Variants in CEP85 observed in about 807,000 individuals in gnomAD.
The protein encoded by CEP85 is centrosomal protein of 85 kDa.
Under a neutral mutation model 93.7 loss-of-function variants are expected in CEP85, and 58 were observed. That is an observed-to-expected ratio of 0.62 (90% CI 0.50 to 0.77). The LOEUF is 0.77. Among genes scored for constraint, CEP85 ranks in the 30% least tolerant of loss-of-function variants. The pLI is 0.00. For missense variants in CEP85, 868 were observed against 922.0 expected (o/e 0.94, Z 0.76); for synonymous variants, 314 against 338.6 (o/e 0.93, Z 0.80).
chr1:26,255,712 G>C lies in CEP85; in HGVS notation c.750G>C (p.Leu250Phe). The C allele has an allele frequency of 1.2e-6, 2 of 1,614,102 alleles. No homozygotes were observed. Among genetic ancestry groups the C allele is most frequent in the Non-Finnish European group, 1.7e-6 (2 of 1,180,006 alleles). ...CTAATAGCAGTGGGGTCCTCCCTTT[G>C]GGACTCCAGCCTGCTCCCGGGCTCT... ...PHSNSSGVLP[L>F]GLQPAPGLSK... The change falls in exon 4 of 14, where the codon TTG becomes TTC. Residue 250 changes from leucine to phenylalanine, a missense_variant. Leu to Phe is a conservative substitution (Grantham distance 22). Coordinates refer to ENST00000451429, the MANE Select transcript of CEP85 (RefSeq NM_001319944.2).
chr1:26,253,841 AG>A (rs935113037), intron 3 of CEP85, among the ~76,000 whole-genome samples: 2 of 151,868 alleles, frequency 1.3e-5, no homozygotes, highest in African/African-American at 4.8e-5. Context: ...CATGAGTTCG[AG>A]ACCAGTCTGG....
chr1:26,241,403 C>T, intron 2 of CEP85, among the ~76,000 whole-genome samples: 1 of 151,902 alleles, frequency 6.6e-6, no homozygotes, highest in Admixed American at 6.6e-5. Context: ...CCACCATGCC[C>T]AGCTAATTTT....
intron 6 of CEP85, among the ~76,000 whole-genome samples, chr1:26,258,561 A>G (rs2089756592): frequency 6.7e-6 from 1 of 149,470 alleles, no homozygotes; most frequent in Non-Finnish European, 1.5e-5. Flanking sequence ...AGCCCTAGCC[A>G]AAGGAGAGAG....
At position 26,277,616 on chromosome 1, in the gene CEP85, C is replaced by G. The variant is rs1295356486; in HGVS notation, c.*323C>G. The G allele has an allele frequency of 4.5e-6, 1 of 222,420 alleles. No individual in the cohort carries two copies. 13.8% of individuals were successfully genotyped at this position (222,420 alleles called of 1,614,324 possible). A position where few individuals can be genotyped will look rare whatever the true frequency, so the allele number is the denominator to read the frequency against. ...CAGGCTGTCCACCTTTCTTCTCCATCCAATGGGATGGATCCATGTTCATTC... is the reference window on the plus strand; with the variant it reads ...CAGGCTGTCCACCTTTCTTCTCCATGCAATGGGATGGATCCATGTTCATTC... On this transcript the variant is annotated 3_prime_UTR_variant, in exon 14 of 14. Transcript: ENST00000451429.
chr1:26,244,620 A>T (rs1161503479), intron 3 of CEP85, among the ~76,000 whole-genome samples: 1 of 151,952 alleles, frequency 6.6e-6, no homozygotes, highest in Non-Finnish European at 1.5e-5. Context: ...TCCCATGCTG[A>T]GGTAATCCTC....
At chr1:26,271,539 A>G (rs1041133613) in intron 10 of CEP85, 1 of 170,656 alleles carries the variant, frequency 5.9e-6, no homozygotes. Flanking sequence ...AGTAAAAAAA[A>G]AAGAAGACCC....
chr1:26,240,710 C>T (rs1189430383), intron 2 of CEP85, among the ~76,000 whole-genome samples: 1 of 152,138 alleles, frequency 6.6e-6, no homozygotes, highest in African/African-American at 2.4e-5. Flanking sequence ...GCCTGGCCAA[C>T]ATGGTAAAAC....
intron 7 of CEP85, among the ~76,000 whole-genome samples, chr1:26,262,140 T>C (rs1455320726): frequency 6.6e-6 from 1 of 152,132 alleles, no homozygotes; most frequent in Non-Finnish European, 1.5e-5. Context: ...ACCCCATCTC[T>C]ACTAAAAATA....
chr1:26,276,291 A>T (rs2090051552), intron 12 of CEP85, among the ~76,000 whole-genome samples: 1 of 152,186 alleles, frequency 6.6e-6, no homozygotes, highest in Admixed American at 6.5e-5. Context: ...GATGATTCAG[A>T]ACCAGTTGAG....
chr1:26,246,357 GATGA>G (rs755181948), intron 3 of CEP85, among the ~76,000 whole-genome samples: 2 of 152,092 alleles, frequency 1.3e-5, no homozygotes, highest in Non-Finnish European at 1.5e-5. Flanking sequence ...ACCCACAACT[GATGA>G]ATGAATGAAT....
chr1:26,268,899 C>G (rs769237206), intron 8 of CEP85, among the ~76,000 whole-genome samples: 1 of 152,168 alleles, frequency 6.6e-6, no homozygotes, highest in Admixed American at 6.5e-5. Context: ...CTTTGATTCA[C>G]TATTTTAAAG....
chr1:26,276,037 C>A lies in CEP85; in HGVS notation c.1903-498C>A, dbSNP rs115222744. 6.4e-3 allele frequency among the ~76,000 whole-genome samples: 971 copies of A among 152,260 alleles called. 11 individuals are homozygous for A. Among genetic ancestry groups the A allele is most frequent in the African/African-American group, 0.021 (857 of 41,532 alleles). Reference sequence around the variant, plus strand: ...TCTCCAGCCCCCCACCTAGTGGCTACTAGCTGTCATATTGTCTTTCTTACT... The same window carrying A: ...TCTCCAGCCCCCCACCTAGTGGCTAATAGCTGTCATATTGTCTTTCTTACT... On this transcript the variant is annotated intron_variant, in intron 12 of 13. Coordinates refer to ENST00000451429, the MANE Select transcript of CEP85 (RefSeq NM_001319944.2).
At chr1:26,262,787 G>C (rs1182181408) in intron 7 of CEP85, among the ~76,000 whole-genome samples, 2 of 152,152 alleles carry the variant, frequency 1.3e-5, no homozygotes, top group African/African-American at 4.8e-5. Flanking sequence ...TTCTATATAA[G>C]GCTAAAATCT....
chr1:26,237,747 T>C (rs1225208864), intron 1 of CEP85, among the ~76,000 whole-genome samples: 1 of 152,198 alleles, frequency 6.6e-6, no homozygotes, highest in African/African-American at 2.4e-5. Context: ...CTCGGAGTTC[T>C]CCTTCTGTCA....
rs138254771 is a variant in CEP85 at position 26,259,483 on chromosome 1, C to G, written c.1156-134C>G. 7.3e-4 allele frequency: 578 copies of G among 796,668 alleles called. 1 individual carries two copies. Among genetic ancestry groups the G allele is most frequent in the Non-Finnish European group, 1.1e-3 (523 of 495,286 alleles). The allele number at this position is 796,668 out of a possible 1,614,324, so 49.3% of individuals were successfully genotyped here. ...AATGCTGATGCTGTTAACCCTAAGACCTAGTTGAGAACCACTTCTTAAAGA... is the reference window on the plus strand; with the variant it reads ...AATGCTGATGCTGTTAACCCTAAGAGCTAGTTGAGAACCACTTCTTAAAGA... On this transcript the variant is annotated intron_variant, in intron 6 of 13. Transcript: ENST00000451429.
chr1:26,247,717 T>C (rs1318141903), intron 3 of CEP85, among the ~76,000 whole-genome samples: 1 of 152,202 alleles, frequency 6.6e-6, no homozygotes, highest in Non-Finnish European at 1.5e-5. Flanking sequence ...CACAAGCTCA[T>C]TGCAGCCTTG....
At chr1:26,273,378 A>C (rs1570047475) in intron 11 of CEP85, among the ~76,000 whole-genome samples, 1 of 152,148 alleles carries the variant, frequency 6.6e-6, no homozygotes, top group African/African-American at 2.4e-5. Flanking sequence ...CATTATGTGG[A>C]TTGGGCTACG....
In CEP85 at chr1:26,239,823, C is replaced by CA. The variant is rs2089393483; in HGVS notation, c.41dup (p.His14GlnfsTer19). 2.5e-6 allele frequency: 4 copies of CA among 1,613,486 alleles called. No individual in the cohort carries two copies. Among genetic ancestry groups the CA allele is most frequent in the Non-Finnish European group, 3.4e-6 (4 of 1,179,508 alleles). ...GAAATATCCAACTGAGGGGATCTCT[C>CA]ACGTCACTTCACCGAGTGAGTAGTC... On this transcript the variant is annotated frameshift_variant, in exon 2 of 14. Coordinates refer to ENST00000451429, the MANE Select transcript of CEP85 (RefSeq NM_001319944.2). LOFTEE classifies it high-confidence loss of function.
intron 3 of CEP85, among the ~76,000 whole-genome samples, chr1:26,245,467 GGCT>G (rs1285111148): frequency 1.3e-5 from 2 of 152,064 alleles, no homozygotes; most frequent in African/African-American, 4.8e-5. Flanking sequence ...ATGTCCCGCA[GGCT>G]TTTCCCATCC....
Sources: allele counts gnomAD v4.1 joint callset (sites outside exome capture counted in the v4.1 genomes callset), GRCh38; gene constraint gnomAD v4.1.1; transcripts MANE v1.5; gene names NCBI Gene and HGNC (gene_info 2026-07-23, HGNC 2026-07-21).